The following PLCL1 variants were observed in gnomAD, a reference collection of about 807,000 sequenced individuals.
PLCL1 encodes the protein inactive phospholipase C-like protein 1.
Under a neutral mutation model 84.4 loss-of-function variants are expected in PLCL1, and 41 were observed. The ratio of observed to expected loss-of-function variants is 0.49; its 90% CI spans 0.38 to 0.63. The LOEUF is 0.63. PLCL1 is among the 30% of genes least tolerant of loss of function. PLCL1 has a pLI of 0.00. For missense variants in PLCL1, 1,206 were observed against 1,367.8 expected (o/e 0.88, Z 1.87); for synonymous variants, 490 against 488.3 (o/e 1.00, Z -0.05).
rs1278185167 is a variant in PLCL1 at position 198,088,879 on chromosome 2, G to A, written c.2737G>A (p.Glu913Lys). 1 of 1,610,226 alleles carries A rather than the reference G, an allele frequency of 6.2e-7. No individual in the cohort carries two copies. The highest frequency in any genetic ancestry group is 2.2e-5 in the East Asian group (1 of 44,858). The change falls in exon 3 of 6, where the codon GAA (glutamate) becomes AAA (lysine). Residue 913 changes from glutamate to lysine, a missense_variant. Transcript: ENST00000428675. ...ACAGAATGCAATCGTGTCTATTAAG[G>A]AACTATGTGGACTCCCTCCAATTGC... is the stretch of plus-strand genomic sequence containing the variant. The part of the protein sequence containing the change: ...NMQNAIVSIK[E>K]LCGLPPIASL...
intron 1 of PLCL1, among the ~76,000 whole-genome samples, chr2:198,023,333 G>T (rs531169302): frequency 6.6e-6 from 1 of 152,294 alleles, no homozygotes; most frequent in South Asian, 2.1e-4. Flanking sequence ...CAGGACATAA[G>T]CATGGGCAAA....
At chr2:197,845,138 A>C (rs1687096862) in intron 1 of PLCL1, among the ~76,000 whole-genome samples, 1 of 152,122 alleles carries the variant, frequency 6.6e-6, no homozygotes, top group Non-Finnish European at 1.5e-5. Context: ...AACATCCGTG[A>C]GATAAAAAGA....
At chr2:198,044,948 CAGATAGCTTATTTCTGTGGGAAAT>C (rs1691751468) in intron 1 of PLCL1, among the ~76,000 whole-genome samples, 31 of 152,116 alleles carry the variant, frequency 2.0e-4, no homozygotes, top group Admixed American at 2.0e-3. Flanking sequence ...TAGGAATTAG[CAGATAGCTTATTTCTGTGGGAAAT>C]AGAAAGGCTG....
intron 1 of PLCL1, among the ~76,000 whole-genome samples, chr2:197,908,038 T>G (rs1419301482): frequency 6.6e-6 from 1 of 152,162 alleles, no homozygotes; most frequent in Non-Finnish European, 1.5e-5. Flanking sequence ...GGATAAGACT[T>G]GGGAAGTGAT....
At chr2:198,039,940 G>C (rs1559082847) in intron 1 of PLCL1, among the ~76,000 whole-genome samples, 1 of 152,176 alleles carries the variant, frequency 6.6e-6, no homozygotes, top group Non-Finnish European at 1.5e-5. Context: ...TTGCTAGAAT[G>C]GGGCAAACAT....
At chr2:197,825,406 A>G (rs1690908174) in intron 1 of PLCL1, among the ~76,000 whole-genome samples, 1 of 152,170 alleles carries the variant, frequency 6.6e-6, no homozygotes, top group Non-Finnish European at 1.5e-5. Flanking sequence ...TATAACCTTG[A>G]TTTTCACAAG....
chr2:198,131,194 C>T (rs1694111034), intron 5 of PLCL1, among the ~76,000 whole-genome samples: 1 of 152,150 alleles, frequency 6.6e-6, no homozygotes, highest in African/African-American at 2.4e-5. Flanking sequence ...CCCCTGCTCC[C>T]TGGGAGCCCC....
At chr2:197,867,223 G>A (rs148122734) in intron 1 of PLCL1, among the ~76,000 whole-genome samples, 66 of 152,284 alleles carry the variant, frequency 4.3e-4, no homozygotes, top group African/African-American at 1.4e-3. Context: ...TTCCTGGCCT[G>A]ACTGATGTGG....
chr2:198,088,260 G>T lies in PLCL1; in HGVS notation c.2716-598G>T, dbSNP rs562014818. ...GAGTCTAATCAGAAGAAAAATGAAG[G>T]TGATCATTGTCATGAAATTCATGAG... On this transcript the variant is annotated intron_variant, in intron 2 of 5. Transcript: ENST00000428675. 3.3e-5 allele frequency among the ~76,000 whole-genome samples: 5 copies of T among 152,218 alleles called. No individual in the cohort carries two copies. The East Asian group carries it at 7.7e-4, about 23-fold the overall frequency.
intron 3 of PLCL1, among the ~76,000 whole-genome samples, 157 bp downstream of exon 3, chr2:198,089,218 C>T (rs569266478): frequency 1.8e-4 from 28 of 152,180 alleles, no homozygotes; most frequent in African/African-American, 6.7e-4. Context: ...TCAGCTTCTG[C>T]TAAGTCTCAG....
chr2:197,857,740 A>G (rs1687356184), intron 1 of PLCL1, among the ~76,000 whole-genome samples: 1 of 152,198 alleles, frequency 6.6e-6, no homozygotes. Context: ...TGCATAAGCA[A>G]GTTTATATAT....
At chr2:198,017,289 C>T (rs116294269) in intron 1 of PLCL1, among the ~76,000 whole-genome samples, 1,777 of 152,258 alleles carry the variant, frequency 0.012, 33 homozygotes, top group African/African-American at 0.041. Context: ...CCTACACAGT[C>T]GAGAATTATC....
At chr2:198,099,379 A>G (rs774946117) in intron 3 of PLCL1, among the ~76,000 whole-genome samples, 2 of 151,980 alleles carry the variant, frequency 1.3e-5, no homozygotes, top group Non-Finnish European at 2.9e-5. Context: ...TTTGACTTAA[A>G]TTGTGGTTTG....
At chr2:197,879,926 T>C (rs1687800608) in intron 1 of PLCL1, among the ~76,000 whole-genome samples, 1 of 152,202 alleles carries the variant, frequency 6.6e-6, no homozygotes, top group African/African-American at 2.4e-5. Flanking sequence ...TAGTATTTAA[T>C]GTCCAAAAGA....
Position 197,805,176 on chromosome 2 carries a change from G to T in PLCL1, c.77G>T (p.Gly26Val). 1 of 1,290,014 alleles carries T rather than the reference G, an allele frequency of 7.8e-7. No individual in the cohort carries two copies. Among genetic ancestry groups the T allele is most frequent in the Non-Finnish European group, 9.8e-7 (1 of 1,021,986 alleles). The allele number at this position is 1,290,014 out of a possible 1,614,324, so 79.9% of individuals were successfully genotyped here. A position where few individuals can be genotyped will look rare whatever the true frequency, so the allele number is the denominator to read the frequency against. Residue 26 changes from glycine to valine, a missense_variant, in exon 1 of 6, where the codon GGC becomes GTC. By Grantham distance (109) the Gly-to-Val change is moderately radical. Transcript: ENST00000428675. The surrounding 1 kb of genome is among the most constrained non-coding windows in gnomAD (Gnocchi z 4.0). ...GGGGGCGAAGACGACCCCCGAGTGG[G>T]CCCGGATGCCGCCGGGGACTGCGTG... ...AAGGEDDPRV[G>V]PDAAGDCVTA...
chr2:198,126,001 A>G (rs1438949488), intron 5 of PLCL1, among the ~76,000 whole-genome samples: 1 of 152,164 alleles, frequency 6.6e-6, no homozygotes, highest in Non-Finnish European at 1.5e-5. Flanking sequence ...CTTTAGTGGA[A>G]TATAGCTTCT....
chr2:198,061,612 T>TTAC (rs1414507663), intron 1 of PLCL1, among the ~76,000 whole-genome samples: 2 of 151,672 alleles, frequency 1.3e-5, no homozygotes, highest in African/African-American at 4.8e-5. Context: ...ATTATTATTA[T>TTAC]TATTTTGAGA....
intron 5 of PLCL1, among the ~76,000 whole-genome samples, chr2:198,114,822 T>C (rs914295446): frequency 3.3e-5 from 5 of 151,616 alleles, no homozygotes; most frequent in Non-Finnish European, 7.4e-5. Flanking sequence ...CATATATATA[T>C]CTATATATAC....
intron 1 of PLCL1, among the ~76,000 whole-genome samples, chr2:197,913,075 A>G (rs1184498403): frequency 1.3e-5 from 2 of 152,188 alleles, no homozygotes; most frequent in Non-Finnish European, 1.5e-5. Context: ...AGATAAAATG[A>G]TGGGACCAAA....
Sources: gnomAD v4.1 joint callset for allele counts (sites outside exome capture counted in the v4.1 genomes callset) on GRCh38, gnomAD v4.1.1 for gene constraint, Gnocchi (gnomAD v3.1) non-coding constraint, MANE v1.5 for transcripts, NCBI Gene and HGNC (gene_info 2026-07-23, HGNC 2026-07-21) for gene names.